ARHGEF15: variants seen among roughly 807,000 people sequenced by gnomAD.
ARHGEF15 encodes Rho guanine nucleotide exchange factor (GEF) 15.
A neutral mutation model predicts 79.7 loss-of-function variants in ARHGEF15; 58 were observed. That is an observed-to-expected ratio of 0.73 (90% CI 0.59 to 0.91). ARHGEF15 has a LOEUF of 0.91. Ranked by LOEUF, ARHGEF15 falls within the 40% of genes least tolerant of loss-of-function variation. The pLI is 0.00. For synonymous variants in ARHGEF15, 442 were observed against 456.0 expected, an observed-to-expected ratio of 0.97 and a Z score of 0.39; for missense variants, 1,012 against 1,108.1, an observed-to-expected ratio of 0.91 and a Z score of 1.23.
rs751920650 is a variant in ARHGEF15 at position 8,315,473 on chromosome 17, C to A, written c.1320C>A (p.Thr440=). The change falls in exon 7 of 16, where the codon ACC becomes ACA. Residue 440 remains threonine, a synonymous_variant. Transcript: ENST00000361926. This position sits in a 1 kb window ranked among gnomAD's most constrained non-coding sequence, Gnocchi z 4.3. ...ASYLRSLRLL[T]DTFVLSQALR... is the part of the protein sequence containing the mutation. ...ACCTGCGCTCCCTGCGGCTGCTGAC[C>A]GACACCTTCGTGCTGAGCCAGGCAC... 1 of 1,613,676 alleles carries A rather than the reference C, an allele frequency of 6.2e-7. No individual in the cohort carries two copies. Among genetic ancestry groups the A allele is most frequent in the African/African-American group, 1.3e-5 (1 of 74,904 alleles).
chr17:8,315,488 G>A lies in ARHGEF15; in HGVS notation c.1335G>A (p.Leu445=). 6.2e-7 allele frequency: 1 copy of A among 1,613,554 alleles called. No individual in the cohort carries two copies. The highest frequency in any genetic ancestry group is 8.5e-7 in the Non-Finnish European group (1 of 1,180,012). ...GGCTGCTGACCGACACCTTCGTGCT[G>A]AGCCAGGCACTCCGGGACACGCTCA... is the stretch of plus-strand genomic sequence containing the variant. ...SLRLLTDTFV[L]SQALRDTLTP... is the part of the protein sequence containing the mutation. Residue 445 remains leucine (L), a synonymous_variant, in exon 7 of 16, where the codon CTG becomes CTA. Coordinates refer to ENST00000361926, the MANE Select transcript of ARHGEF15 (RefSeq NM_173728.4). The surrounding 1 kb of genome is among the most constrained non-coding windows in gnomAD (Gnocchi z 4.3).
chr17:8,320,777 C>T (rs1326231506), intron 15 of ARHGEF15, 65 bp from the exon 16 acceptor site: 5 of 1,507,408 alleles, frequency 3.3e-6, no homozygotes, highest in Non-Finnish European at 4.6e-6. Flanking sequence ...CCCACGAGGC[C>T]CCCTTTGCCT....
rs567896801 is a variant in ARHGEF15 at position 8,318,777 on chromosome 17, C to T, written c.1900C>T (p.Arg634Cys). The T allele has an allele frequency of 1.0e-4, 167 of 1,613,184 alleles. 2 individuals are homozygous for T. The South Asian group carries it at 1.3e-3, about 13-fold the overall frequency. ...KALPLVSWSRRLEFQGELTEL... is the reference protein window; with the variant it reads ...KALPLVSWSRCLEFQGELTEL... ...CCTGCCCCTGGTCTCCTGGTCACGG[C>T]GCCTGGAATTCCAGGGAGAGCTGAC... Residue 634 changes from arginine (R) to cysteine (C), a missense_variant, in exon 12 of 16, where the codon CGC (arginine) becomes TGC (cysteine). By Grantham distance (180) the Arg-to-Cys change is radical. Coordinates refer to ENST00000361926, the MANE Select transcript of ARHGEF15 (RefSeq NM_173728.4). The surrounding 1 kb of genome is among the most constrained non-coding windows in gnomAD (Gnocchi z 5.0).
In ARHGEF15 at chr17:8,315,607, C is replaced by T. The variant is rs201872192; in HGVS notation, c.1421+33C>T. ...GCTTTCCGTCCTTCCAGGGAACCTG[C>T]CCTTAGGCTGCTGGGCACGCCCTTT... On this transcript the variant is annotated intron_variant, in intron 7 of 15. Coordinates refer to ENST00000361926, the MANE Select transcript of ARHGEF15 (RefSeq NM_173728.4). This position sits in a 1 kb window ranked among gnomAD's most constrained non-coding sequence, Gnocchi z 4.3. 19 of 1,604,516 alleles carry T rather than the reference C, an allele frequency of 1.2e-5. No individual in the cohort carries two copies. Among genetic ancestry groups the T allele is most frequent in the Middle Eastern group, 3.3e-4 (2 of 6,060 alleles).
chr17:8,320,788 C>A lies in ARHGEF15; in HGVS notation c.2375-54C>A. 3 of 1,587,256 alleles carry A rather than the reference C, an allele frequency of 1.9e-6. 1 individual carries two copies. The highest frequency in any genetic ancestry group is 4.5e-4 in the Middle Eastern group (2 of 4,398). Reference sequence around the variant, plus strand: ...AGACCCCACGAGGCCCCCTTTGCCTCCTCACCTGCTCCCTGCCCCCACCTC... The same window carrying A: ...AGACCCCACGAGGCCCCCTTTGCCTACTCACCTGCTCCCTGCCCCCACCTC... On this transcript the variant is annotated intron_variant, in intron 15 of 15. Transcript: ENST00000361926.
chr17:8,315,994 C>T lies in ARHGEF15; in HGVS notation c.1575-25C>T. On this transcript the variant is annotated intron_variant, in intron 8 of 15. Coordinates refer to ENST00000361926, the MANE Select transcript of ARHGEF15 (RefSeq NM_173728.4). This position sits in a 1 kb window ranked among gnomAD's most constrained non-coding sequence, Gnocchi z 4.3. ...TTGGGGCACCAGGGCCTCCAGGCAG[C>T]CGCTAGCCATGCCTGCTTCTGCAGG... 1 of 1,598,750 alleles carries T rather than the reference C, an allele frequency of 6.3e-7. No homozygotes were observed. The highest frequency in any genetic ancestry group is 8.5e-7 in the Non-Finnish European group (1 of 1,177,446).
Position 8,312,980 on chromosome 17 carries a change from C to T in ARHGEF15, c.660C>T (p.Gly220=), listed in dbSNP as rs1060500047. The part of the protein sequence containing the change: ...CPCVCHTTRP[G]LELRWVPVGG... Reference sequence around the variant, plus strand: ...GTGTCTGCCACACCACCCGGCCTGGCCTGGAGCTCAGATGGGTGCCTGTGG... The same window carrying T: ...GTGTCTGCCACACCACCCGGCCTGGTCTGGAGCTCAGATGGGTGCCTGTGG... The change falls in exon 3 of 16, where the codon GGC becomes GGT. Residue 220 remains glycine, a synonymous_variant. Coordinates refer to ENST00000361926, the MANE Select transcript of ARHGEF15 (RefSeq NM_173728.4). 1.9e-6 allele frequency: 3 copies of T among 1,604,858 alleles called. No individual in the cohort carries two copies. Among genetic ancestry groups the T allele is most frequent in the Non-Finnish European group, 2.6e-6 (3 of 1,174,730 alleles).
At position 8,312,007 on chromosome 17, in the gene ARHGEF15, A is replaced by C. The variant is rs775427043; in HGVS notation, c.-33A>C. The C allele has an allele frequency of 3.3e-6, 5 of 1,532,294 alleles. No homozygotes were observed. The African/African-American group carries it at 4.2e-5, about 13-fold the overall frequency. The allele number at this position is 1,532,294 out of a possible 1,614,324, so 94.9% of individuals were successfully genotyped here. A position where few individuals can be genotyped will look rare whatever the true frequency, so the allele number is the denominator to read the frequency against. ...CCTCCTCAGGGGATGACTCCAGCAG[A>C]GCACCTCACTCCTTTGAAGAGCACA... On this transcript the variant is annotated 5_prime_UTR_variant, in exon 2 of 16. Coordinates refer to ENST00000361926, the MANE Select transcript of ARHGEF15 (RefSeq NM_173728.4).
chr17:8,319,145 C>A lies in ARHGEF15; in HGVS notation c.2172C>A (p.Leu724=). 1 of 1,613,782 alleles carries A rather than the reference C, an allele frequency of 6.2e-7. No individual in the cohort carries two copies. The highest frequency in any genetic ancestry group is 8.5e-7 in the Non-Finnish European group (1 of 1,179,896). Reference sequence around the variant, plus strand: ...AGGGCCGCCCCACCCACCGACTACTCCAAGCTTCTTCCCTGTGAGTTGTGT... The same window carrying A: ...AGGGCCGCCCCACCCACCGACTACTACAAGCTTCTTCCCTGTGAGTTGTGT... ...NHQGRPTHRL[L]QASSLSDMQR... Residue 724 remains leucine (L), a synonymous_variant, in exon 13 of 16, where the codon CTC becomes CTA. Transcript: ENST00000361926.
chr17:8,314,868 G>C, intron 4 of ARHGEF15, 38 bp from the exon 5 acceptor site: 1 of 1,611,392 alleles, frequency 6.2e-7, no homozygotes, highest in Non-Finnish European at 8.5e-7. Context: ...GGCAGCAGTG[G>C]TGGCCCTGGG....
chr17:8,312,532 G>A lies in ARHGEF15; in HGVS notation c.493G>A (p.Ala165Thr). The change falls in exon 2 of 16, where the codon GCT (alanine) becomes ACT (threonine). Residue 165 changes from alanine (A) to threonine (T), a missense_variant. Ala to Thr is a moderately conservative substitution (Grantham distance 58). This residue lies in a region of ARHGEF15 where 818 missense variants were observed against 882.5 expected (regional missense o/e 0.93). Coordinates refer to ENST00000361926, the MANE Select transcript of ARHGEF15 (RefSeq NM_173728.4). ...GRFEGGAEGR[A>T]QDADAPEPGL... ...GTTTGAAGGGGGTGCTGAAGGCCGG[G>A]CTCAGGATGCAGATGCCCCGGAGCC... The A allele has an allele frequency of 1.2e-6, 2 of 1,610,040 alleles. No individual in the cohort carries two copies. The highest frequency in any genetic ancestry group is 1.1e-5 in the South Asian group (1 of 90,696).
intron 4 of ARHGEF15, chr17:8,313,807 A>T (rs1904829591): frequency 2.6e-6 from 1 of 385,868 alleles, no homozygotes; most frequent in African/African-American, 2.1e-5. Context: ...CGGCAGAAGG[A>T]TCACCTGAAG....
chr17:8,311,516 G>C (rs1025880796), intron 1 of ARHGEF15, among the ~76,000 whole-genome samples: 9 of 151,922 alleles, frequency 5.9e-5, no homozygotes, highest in Non-Finnish European at 1.0e-4. Flanking sequence ...GGAAATGGGG[G>C]GCGGAGGGCC....
chr17:8,311,038 G>A (rs1369712005), intron 1 of ARHGEF15, among the ~76,000 whole-genome samples: 3 of 150,674 alleles, frequency 2.0e-5, no homozygotes, highest in Non-Finnish European at 4.4e-5. Context: ...CCAGAACACA[G>A]AGGCCACTGA....
intron 3 of ARHGEF15, 116 bp downstream of exon 3, chr17:8,313,370 AC>A: frequency 2.7e-6 from 4 of 1,493,122 alleles, no homozygotes; most frequent in Non-Finnish European, 3.7e-6. Context: ...TTGCTTCCCC[AC>A]CAGCTGCTGC....
chr17:8,314,804 C>A, intron 4 of ARHGEF15, 102 bp from the exon 5 acceptor site: 1 of 1,343,538 alleles, frequency 7.4e-7, no homozygotes, highest in Non-Finnish European at 1.0e-6. Context: ...GTCCCTACAT[C>A]CAACCTGCAC....
chr17:8,318,226 G>A lies in ARHGEF15; in HGVS notation c.1705-161G>A. On this transcript the variant is annotated intron_variant, in intron 9 of 15. Coordinates refer to ENST00000361926, the MANE Select transcript of ARHGEF15 (RefSeq NM_173728.4). This position sits in a 1 kb window ranked among gnomAD's most constrained non-coding sequence, Gnocchi z 5.0. ...ACAGATAGGGAAGCTGAGGCTCAGA[G>A]AGGTAACAGGACTTGCTCAGGGTTC... The A allele has an allele frequency of 1.5e-6, 1 of 684,024 alleles. No homozygotes were observed. The highest frequency in any genetic ancestry group is 2.6e-6 in the Non-Finnish European group (1 of 386,980). 42.4% of individuals were successfully genotyped at this position (684,024 alleles called of 1,614,324 possible).
At chr17:8,311,146 C>G (rs992147997) in intron 1 of ARHGEF15, among the ~76,000 whole-genome samples, 1 of 152,028 alleles carries the variant, frequency 6.6e-6, no homozygotes, top group Non-Finnish European at 1.5e-5. Flanking sequence ...CCTGCTGACC[C>G]CTGAAGGGAG....
In ARHGEF15 at chr17:8,312,616, G is replaced by C. The variant is rs1433444855; in HGVS notation, c.577G>C (p.Gly193Arg). 1.2e-6 allele frequency: 2 copies of C among 1,613,322 alleles called. No homozygotes were observed. The highest frequency in any genetic ancestry group is 2.2e-5 in the South Asian group (2 of 91,062). ...GEREAPLTGS[G>R]SQENGAPDAG... is the part of the protein sequence containing the mutation. ...GAGAGAAGCTCCCCTCACCGGGAGT[G>C]GGTCCCAGGAGAACGGTGCTCCAGG... Residue 193 changes from glycine to arginine, a missense_variant, in exon 2 of 16, where the codon GGG (glycine) becomes CGG (arginine). Gly to Arg is a moderately radical substitution (Grantham distance 125). Transcript: ENST00000361926.
Sources: allele counts gnomAD v4.1 joint callset (sites outside exome capture counted in the v4.1 genomes callset), GRCh38; gene constraint gnomAD v4.1.1; regional missense constraint gnomAD v4.1.1; non-coding constraint Gnocchi (gnomAD v3.1); transcripts MANE v1.5; gene names NCBI Gene and HGNC (gene_info 2026-07-23, HGNC 2026-07-21).